USP43: variants seen among roughly 807,000 people sequenced by gnomAD.
USP43 encodes the protein ubiquitin specific peptidase 43.
A neutral mutation model predicts 90.7 loss-of-function variants in USP43; 33 were observed. The observed-to-expected ratio is 0.36, with a 90% confidence interval of 0.28 to 0.49. The LOEUF is 0.49. Ranked by LOEUF, USP43 falls within the 20% of genes least tolerant of loss-of-function variation. The pLI is 0.98. For synonymous variants in USP43, 598 were observed against 615.8 expected (o/e 0.97, Z 0.43); for missense variants, 1,274 against 1,476.4 (o/e 0.86, Z 2.25).
chr17:9,729,579 G>A lies in USP43; in HGVS notation c.*589G>A, dbSNP rs1376180781. 1.3e-5 allele frequency: 2 copies of A among 151,786 alleles called. No individual in the cohort carries two copies. The highest frequency in any genetic ancestry group is 1.9e-4 in the East Asian group (1 of 5,186). The allele number at this position is 151,786 out of a possible 1,614,324, so 9.4% of individuals were successfully genotyped here. On this transcript the variant is annotated 3_prime_UTR_variant, in exon 15 of 15. Coordinates refer to ENST00000285199, the MANE Select transcript of USP43 (RefSeq NM_153210.5). ...TTAATATATTAAAAATTGTATTAAAGTTTTTCAAGGTATTTTAAAAATAAC... is the reference window on the plus strand; with the variant it reads ...TTAATATATTAAAAATTGTATTAAAATTTTTCAAGGTATTTTAAAAATAAC...
chr17:9,647,187 A>T (rs1028370529), intron 1 of USP43: 1 of 151,990 alleles, frequency 6.6e-6, no homozygotes, highest in Non-Finnish European at 1.5e-5. Flanking sequence ...GAAACCTGTC[A>T]GTGTTCATTC....
intron 12 of USP43, among the ~76,000 whole-genome samples, chr17:9,706,249 T>C (rs1915870471): frequency 6.6e-6 from 1 of 152,246 alleles, no homozygotes; most frequent in Non-Finnish European, 1.5e-5. Flanking sequence ...GAGATTCACC[T>C]CTTTTCTGTA....
At chr17:9,662,694 T>C (rs1027891123) in intron 2 of USP43, among the ~76,000 whole-genome samples, 6 of 152,176 alleles carry the variant, frequency 3.9e-5, no homozygotes, top group Non-Finnish European at 7.3e-5. Context: ...TTAAAGCATC[T>C]CTCCGAGCAT....
chr17:9,706,590 A>G (rs926393065), intron 12 of USP43, among the ~76,000 whole-genome samples: 7 of 151,086 alleles, frequency 4.6e-5, no homozygotes, highest in African/African-American at 1.7e-4. Flanking sequence ...TGGAAAAGCC[A>G]ATCTTGTTCC....
At chr17:9,653,813 G>A (rs896071489) in intron 1 of USP43, among the ~76,000 whole-genome samples, 1 of 152,138 alleles carries the variant, frequency 6.6e-6, no homozygotes, top group Non-Finnish European at 1.5e-5. Context: ...AAATTGGTCT[G>A]GTCTACCATG....
At chr17:9,679,341 A>G (rs533671509) in intron 5 of USP43, among the ~76,000 whole-genome samples, 1 of 151,886 alleles carries the variant, frequency 6.6e-6, no homozygotes, top group Admixed American at 6.6e-5. Flanking sequence ...AGCTGGGACT[A>G]CAGGCTCATG....
chr17:9,695,957 C>T (rs1047914710), intron 9 of USP43, among the ~76,000 whole-genome samples: 6 of 152,242 alleles, frequency 3.9e-5, no homozygotes, highest in South Asian at 2.1e-4. Context: ...GAATTTCCTT[C>T]CTTTTGAAGG....
intron 9 of USP43, among the ~76,000 whole-genome samples, chr17:9,698,533 T>C (rs1037689565): frequency 3.3e-5 from 5 of 152,180 alleles, no homozygotes; most frequent in Admixed American, 6.5e-5. Flanking sequence ...GTTAGGTATA[T>C]ACATTTCTTG....
rs759708467 is a variant in USP43 at position 9,709,951 on chromosome 17, T to C, written c.2012-5T>C. The C allele has an allele frequency of 1.4e-6, 2 of 1,434,942 alleles. No individual in the cohort carries two copies. The allele number at this position is 1,434,942 out of a possible 1,614,324, so 88.9% of individuals were successfully genotyped here. Reference sequence around the variant, plus strand: ...AACTCAGACTTGGGGATGGGACCTTTGCAGCCTACTGCCGGAACTCTCTGG... The same window carrying C: ...AACTCAGACTTGGGGATGGGACCTTCGCAGCCTACTGCCGGAACTCTCTGG... On this transcript the variant is annotated splice_polypyrimidine_tract_variant and splice_region_variant and intron_variant, in intron 12 of 14. Coordinates refer to ENST00000285199, the MANE Select transcript of USP43 (RefSeq NM_153210.5). The surrounding 1 kb of genome is among the most constrained non-coding windows in gnomAD (Gnocchi z 5.0).
intron 1 of USP43, among the ~76,000 whole-genome samples, chr17:9,647,339 T>C (rs1260001549): frequency 6.6e-6 from 1 of 152,148 alleles, no homozygotes; most frequent in African/African-American, 2.4e-5. Flanking sequence ...CAAATGGTTG[T>C]CACTAAATGT....
intron 14 of USP43, among the ~76,000 whole-genome samples, chr17:9,719,957 C>T (rs1916836909): frequency 6.6e-6 from 1 of 152,156 alleles, no homozygotes; most frequent in Admixed American, 6.5e-5. Flanking sequence ...ATCCCAGCTA[C>T]TCAGGAGGCT....
chr17:9,656,897 A>G (rs1291826867), intron 2 of USP43, among the ~76,000 whole-genome samples: 4 of 152,152 alleles, frequency 2.6e-5, no homozygotes, highest in East Asian at 1.9e-4. Flanking sequence ...GAACTCTACC[A>G]TTGCTTTCTC....
At chr17:9,693,019 A>G (rs1332037210) in intron 8 of USP43, 108 bp from the exon 9 acceptor site, 2 of 854,418 alleles carry the variant, frequency 2.3e-6, no homozygotes, top group African/African-American at 1.7e-5. Flanking sequence ...TTCAAAATAC[A>G]CTATGGAAAA....
At chr17:9,676,359 C>CTTTCTTTCTTTCTTTCTTT (rs1913775223) in intron 4 of USP43, among the ~76,000 whole-genome samples, 1 of 152,062 alleles carries the variant, frequency 6.6e-6, no homozygotes, top group Admixed American at 6.6e-5. Flanking sequence ...TGAACTTGAT[C>CTTTCTTTCTTTCTTTCTTT]CATTATCTTT....
chr17:9,701,314 C>A lies in USP43; in HGVS notation c.1663-38C>A, dbSNP rs1348912208. 1.9e-6 allele frequency: 3 copies of A among 1,587,022 alleles called. No homozygotes were observed. The highest frequency in any genetic ancestry group is 2.6e-6 in the Non-Finnish European group (3 of 1,165,730). ...CTGCCTTTGGTGGGTTGGCCACGTG[C>A]TGCGGGGGCCTCACAGTCCGGGTGG... On this transcript the variant is annotated intron_variant, in intron 11 of 14. Transcript: ENST00000285199. The surrounding 1 kb of genome is among the most constrained non-coding windows in gnomAD (Gnocchi z 7.2).
At chr17:9,673,840 A>G (rs1355137159) in intron 3 of USP43, among the ~76,000 whole-genome samples, 1 of 152,198 alleles carries the variant, frequency 6.6e-6, no homozygotes, top group Non-Finnish European at 1.5e-5. Flanking sequence ...GCTCAGAATT[A>G]TGCTTGGTTC....
chr17:9,679,881 A>G (rs527263586), intron 5 of USP43, among the ~76,000 whole-genome samples: 20 of 152,290 alleles, frequency 1.3e-4, no homozygotes, highest in Middle Eastern at 6.8e-3. Flanking sequence ...GTATGCAATC[A>G]CGTGAAAAAG....
chr17:9,648,987 T>C (rs1358761781), intron 1 of USP43, among the ~76,000 whole-genome samples: 1 of 149,026 alleles, frequency 6.7e-6, no homozygotes, highest in Non-Finnish European at 1.5e-5. Flanking sequence ...CTTCCTTCCT[T>C]CCTTTCCCTC....
chr17:9,681,081 A>G (rs1914144357), intron 6 of USP43, among the ~76,000 whole-genome samples: 1 of 124,760 alleles, frequency 8.0e-6, no homozygotes, highest in Non-Finnish European at 1.6e-5. Flanking sequence ...TATATCATAT[A>G]TAATATAATA....
Sources: gnomAD v4.1 joint callset for allele counts (sites outside exome capture counted in the v4.1 genomes callset) on GRCh38, gnomAD v4.1.1 for gene constraint, Gnocchi (gnomAD v3.1) non-coding constraint, MANE v1.5 for transcripts, NCBI Gene and HGNC (gene_info 2026-07-23, HGNC 2026-07-21) for gene names.